The following CEP43 variants were observed in gnomAD, a reference collection of about 807,000 sequenced individuals.
CEP43 encodes the protein FGFR1 oncogene partner.
In CEP43, 36 loss-of-function variants were observed where a neutral mutation model predicts 52.6. That is an observed-to-expected ratio of 0.68 (90% CI 0.52 to 0.90). CEP43 has a LOEUF of 0.90. CEP43 is among the 40% of genes least tolerant of loss of function. The pLI, the probability that CEP43 is intolerant of heterozygous loss-of-function variation, is 0.00. For synonymous variants in CEP43, 192 were observed against 172.4 expected (o/e 1.11, Z -0.89); for missense variants, 506 against 472.8 (o/e 1.07, Z -0.65).
At position 167,044,496 on chromosome 6, in the gene CEP43, G is replaced by A; in HGVS notation, c.*4518G>A. 1.0e-6 allele frequency: 1 copy of A among 985,424 alleles called. No individual in the cohort carries two copies. The highest frequency in any genetic ancestry group is 1.2e-6 in the Non-Finnish European group (1 of 829,920). 61.0% of individuals were successfully genotyped at this position (985,424 alleles called of 1,614,324 possible). A position where few individuals can be genotyped will look rare whatever the true frequency, so the allele number is the denominator to read the frequency against. On this transcript the variant is annotated 3_prime_UTR_variant, in exon 13 of 13. Transcript: ENST00000366847. ...TCCCCGAGGAAGTCAGATTGGAAAA[G>A]TGTCCTCAGGTTCAAGGAAACCTGG...
At chr6:167,032,369 C>T (rs944387755) in intron 10 of CEP43, among the ~76,000 whole-genome samples, 1 of 152,088 alleles carries the variant, frequency 6.6e-6, no homozygotes, top group African/African-American at 2.4e-5. Flanking sequence ...TTAGAGTACC[C>T]GGAGTAAAGA....
intron 10 of CEP43, among the ~76,000 whole-genome samples, 198 bp downstream of exon 10, chr6:167,026,813 C>A (rs558243045): frequency 1.3e-5 from 2 of 152,154 alleles, no homozygotes; most frequent in African/African-American, 4.8e-5. Context: ...ATCATGTTCT[C>A]GTGAACCTCT....
In CEP43 at chr6:167,042,108, C is replaced by T; in HGVS notation, c.*2130C>T. The T allele has an allele frequency of 3.0e-6, 3 of 1,006,772 alleles. No individual in the cohort carries two copies. The highest frequency in any genetic ancestry group is 3.6e-6 in the Non-Finnish European group (3 of 841,522). The allele number at this position is 1,006,772 out of a possible 1,614,324, so 62.4% of individuals were successfully genotyped here. A position where few individuals can be genotyped will look rare whatever the true frequency, so the allele number is the denominator to read the frequency against. ...CCGGGATTACAGGCGTGAACCACCG[C>T]ACCTGGCCAGTACTACATCCATTTT... On this transcript the variant is annotated 3_prime_UTR_variant, in exon 13 of 13. Coordinates refer to ENST00000366847, the MANE Select transcript of CEP43 (RefSeq NM_007045.4).
Position 167,043,316 on chromosome 6 carries a change from A to C in CEP43, c.*3338A>C, listed in dbSNP as rs1164226296. ...GATTCCCGCCATCAGTTCTCTGTCC[A>C]TGGGTGCTAGTCTCACCCCTGCCCT... On this transcript the variant is annotated 3_prime_UTR_variant, in exon 13 of 13. Coordinates refer to ENST00000366847, the MANE Select transcript of CEP43 (RefSeq NM_007045.4). 1 of 149,788 alleles carries C rather than the reference A, an allele frequency of 6.7e-6. No individual in the cohort carries two copies. Among genetic ancestry groups the C allele is most frequent in the South Asian group, 2.1e-4 (1 of 4,750 alleles). 9.3% of individuals were successfully genotyped at this position (149,788 alleles called of 1,614,324 possible). A position where few individuals can be genotyped will look rare whatever the true frequency, so the allele number is the denominator to read the frequency against.
intron 5 of CEP43, 88 bp downstream of exon 5, chr6:167,004,489 A>G: frequency 3.6e-6 from 4 of 1,110,558 alleles, no homozygotes; most frequent in Non-Finnish European, 4.9e-6. Context: ...TAGTAAATTA[A>G]GGTTTTCATA....
At chr6:167,025,006 A>G in intron 9 of CEP43, 112 bp downstream of exon 9, 9 of 655,134 alleles carry the variant, frequency 1.4e-5, no homozygotes, top group Middle Eastern at 6.1e-4. Flanking sequence ...ATAACCTATC[A>G]TTTTATCACT....
chr6:167,023,375 A>G (rs900076118), intron 8 of CEP43, among the ~76,000 whole-genome samples: 13 of 152,180 alleles, frequency 8.5e-5, no homozygotes, highest in African/African-American at 2.9e-4. Flanking sequence ...AGTGCTAGAG[A>G]AAAGTAATAT....
At chr6:167,028,228 T>C (rs1468131215) in intron 10 of CEP43, 1 of 985,316 alleles carries the variant, frequency 1.0e-6, no homozygotes, top group Admixed American at 6.1e-5. Context: ...TCTATTCTCT[T>C]ACCAAAGCGA....
chr6:167,013,024 C>G (rs1038298333), intron 6 of CEP43, among the ~76,000 whole-genome samples: 7 of 152,202 alleles, frequency 4.6e-5, no homozygotes, highest in African/African-American at 1.7e-4. Flanking sequence ...AGTACTTTCC[C>G]TACCGTCTTC....
intron 5 of CEP43, 46 bp downstream of exon 5, chr6:167,004,447 G>A (rs79205895): frequency 0.017 from 26,542 of 1,523,768 alleles, 393 homozygotes; most frequent in East Asian, 0.076. Flanking sequence ...ATTATTGGCT[G>A]CTTAGTTTAG....
At position 167,050,899 on chromosome 6, in the gene CEP43, A is replaced by G. The variant is rs1017351419; in HGVS notation, c.*10921A>G. ...GATTTATGAGGACAGGGAAATTGCA[A>G]TAGAGAAAGAGTTTAATACATGTAG... On this transcript the variant is annotated 3_prime_UTR_variant, in exon 13 of 13. Coordinates refer to ENST00000366847, the MANE Select transcript of CEP43 (RefSeq NM_007045.4). The G allele has an allele frequency of 6.6e-6, 1 of 152,178 alleles. No individual in the cohort carries two copies. The highest frequency in any genetic ancestry group is 1.5e-5 in the Non-Finnish European group (1 of 68,052). 9.4% of individuals were successfully genotyped at this position (152,178 alleles called of 1,614,324 possible).
rs908760701 is a variant in CEP43, at chr6:167,030,254, A to G, written c.989-2349A>G. On this transcript the variant is annotated intron_variant, in intron 10 of 12. Coordinates refer to ENST00000366847, the MANE Select transcript of CEP43 (RefSeq NM_007045.4). The stretch of plus-strand genomic sequence containing the variant: ...ACAGCCGTCCTCGCTGTCTCAGCTC[A>G]GTGTCCACCTCTGCTCTCCTCACTG... 1.2e-4 allele frequency among the ~76,000 whole-genome samples: 18 copies of G among 152,342 alleles called. 1 individual carries two copies. In the East Asian group the frequency reaches 3.3e-3, roughly 28 times the overall value.
chr6:167,021,968 T>C (rs1780242671), intron 7 of CEP43, among the ~76,000 whole-genome samples: 2 of 152,296 alleles, frequency 1.3e-5, no homozygotes, highest in South Asian at 4.1e-4. Context: ...TTTTCTCCTT[T>C]AATAATAATG....
At chr6:167,013,441 A>G in intron 6 of CEP43, 67 bp from the exon 7 acceptor site, 2 of 1,295,560 alleles carry the variant, frequency 1.5e-6, no homozygotes, top group Non-Finnish European at 2.2e-6. Flanking sequence ...TTTGTTTGGT[A>G]ATGAGTTAGT....
Position 167,003,181 on chromosome 6 carries a change from T to G in CEP43, c.157-12T>G, listed in dbSNP as rs754400529. 1 of 1,329,596 alleles carries G rather than the reference T, an allele frequency of 7.5e-7. No individual in the cohort carries two copies. The highest frequency in any genetic ancestry group is 1.3e-5 in the South Asian group (1 of 74,080). The allele number at this position is 1,329,596 out of a possible 1,614,324, so 82.4% of individuals were successfully genotyped here. On this transcript the variant is annotated splice_polypyrimidine_tract_variant and intron_variant, in intron 2 of 12. Coordinates refer to ENST00000366847, the MANE Select transcript of CEP43 (RefSeq NM_007045.4). ...TAAACACATGACACTTAAATTTTTT[T>G]TTTTTTAACAGAACAAAACTCCTTT...
At chr6:167,037,805 T>C (rs1197619913) in intron 12 of CEP43, among the ~76,000 whole-genome samples, 2 of 152,222 alleles carry the variant, frequency 1.3e-5, no homozygotes. Flanking sequence ...TTGGCACACT[T>C]GTTCTCTAAA....
At chr6:167,017,980 G>A (rs1780140487) in intron 7 of CEP43, among the ~76,000 whole-genome samples, 1 of 152,130 alleles carries the variant, frequency 6.6e-6, no homozygotes, top group South Asian at 2.1e-4. Context: ...CAACACATGT[G>A]TTGTGTCACA....
Position 167,043,444 on chromosome 6 carries a change from G to T in CEP43, c.*3466G>T, listed in dbSNP as rs1281162887. ...TGCCCAGGCTGGAGTGCCATGGGGC[G>T]ACCTCGGCTCACTGCAACCCCTGCC... On this transcript the variant is annotated 3_prime_UTR_variant, in exon 13 of 13. Transcript: ENST00000366847. 6.8e-6 allele frequency: 1 copy of T among 147,790 alleles called. No individual in the cohort carries two copies. The highest frequency in any genetic ancestry group is 1.5e-5 in the Non-Finnish European group (1 of 67,604). The allele number at this position is 147,790 out of a possible 1,614,324, so 9.2% of individuals were successfully genotyped here.
Position 167,004,034 on chromosome 6 carries a change from T to C in CEP43, c.300+223T>C, listed in dbSNP as rs539968750. On this transcript the variant is annotated intron_variant, in intron 4 of 12. Transcript: ENST00000366847. Reference sequence around the variant, plus strand: ...GAAAGCTTGCTAATAAAAGTGTTACTATAGAGTTAATTTTGATACGATGTT... The same window carrying C: ...GAAAGCTTGCTAATAAAAGTGTTACCATAGAGTTAATTTTGATACGATGTT... 124 of 593,248 alleles carry C rather than the reference T, an allele frequency of 2.1e-4. No individual in the cohort carries two copies. The African/African-American group carries it at 2.1e-3, about 10-fold the overall frequency. 36.7% of individuals were successfully genotyped at this position (593,248 alleles called of 1,614,324 possible). A position where few individuals can be genotyped will look rare whatever the true frequency, so the allele number is the denominator to read the frequency against.
Sources: allele counts gnomAD v4.1 joint callset (sites outside exome capture counted in the v4.1 genomes callset), GRCh38; gene constraint gnomAD v4.1.1; transcripts MANE v1.5; gene names NCBI Gene and HGNC (gene_info 2026-07-23, HGNC 2026-07-21).